The following DPF2 variants were observed in gnomAD, a reference collection of about 807,000 sequenced individuals.
The protein encoded by DPF2 is zinc finger protein ubi-d4.
Under a neutral mutation model 59.6 loss-of-function variants are expected in DPF2, and 10 were observed. The ratio of observed to expected loss-of-function variants is 0.17; its 90% confidence interval spans 0.10 to 0.28. DPF2 has a LOEUF of 0.28. Among genes scored for constraint, DPF2 ranks in the 10% least tolerant of loss-of-function variants. The pLI is 1.00. For missense variants in DPF2, 315 were observed against 509.4 expected, an observed-to-expected ratio of 0.62 and a Z score of 3.67; for synonymous variants, 189 against 190.6, an observed-to-expected ratio of 0.99 and a Z score of 0.07.
At chr11:65,338,817 C>T (rs193179286) in intron 1 of DPF2, among the ~76,000 whole-genome samples, 4 of 152,168 alleles carry the variant, frequency 2.6e-5, no homozygotes, top group Non-Finnish European at 5.9e-5. Flanking sequence ...CATTCTAGAG[C>T]AGGGTTTGTT....
intron 10 of DPF2, among the ~76,000 whole-genome samples, chr11:65,351,167 A>G (rs1238260629): frequency 6.6e-6 from 1 of 152,196 alleles, no homozygotes; most frequent in Non-Finnish European, 1.5e-5. Flanking sequence ...GCCCTAGAAT[A>G]ATGTCCAAAT....
At position 65,352,021 on chromosome 11, in the gene DPF2, C is replaced by G. The variant is rs372284211; in HGVS notation, c.*262C>G. ...GTTTCTCTCTGCTCTCCATTAAGTG[C>G]ATTCACTCTGCTTGCCTTGGGCCCA... On this transcript the variant is annotated 3_prime_UTR_variant, in exon 11 of 11. Coordinates refer to ENST00000528416, the MANE Select transcript of DPF2 (RefSeq NM_006268.5). 17 of 509,298 alleles carry G rather than the reference C, an allele frequency of 3.3e-5. No individual in the cohort carries two copies. In the East Asian group the frequency reaches 5.8e-4, roughly 17 times the overall value. The allele number at this position is 509,298 out of a possible 1,614,324, so 31.5% of individuals were successfully genotyped here. A position where few individuals can be genotyped will look rare whatever the true frequency, so the allele number is the denominator to read the frequency against.
At position 65,344,735 on chromosome 11, in the gene DPF2, C is replaced by T. The variant is rs141032113; in HGVS notation, c.637+666C>T. The T allele has an allele frequency of 4.2e-6, 5 of 1,200,192 alleles. No homozygotes were observed. The African/African-American group carries it at 7.6e-5, about 18-fold the overall frequency. 74.3% of individuals were successfully genotyped at this position (1,200,192 alleles called of 1,614,324 possible). On this transcript the variant is annotated intron_variant, in intron 6 of 10. Coordinates refer to ENST00000528416, the MANE Select transcript of DPF2 (RefSeq NM_006268.5). ...GCTAGCTTTAAAATCTCTGGAATGGCATGGGGGTAGGAGCAGTGGAATTTC... is the reference window on the plus strand; with the variant it reads ...GCTAGCTTTAAAATCTCTGGAATGGTATGGGGGTAGGAGCAGTGGAATTTC...
chr11:65,348,019 C>T (rs1854587752), intron 9 of DPF2: 1 of 152,280 alleles, frequency 6.6e-6, no homozygotes, highest in African/African-American at 2.4e-5. Flanking sequence ...AGGATGGAGG[C>T]TCATGCCTGT....
rs967909361 is a variant in DPF2, at chr11:65,352,948, A to C, written c.*1189A>C. The C allele has an allele frequency of 6.6e-6, 1 of 151,986 alleles. No homozygotes were observed. Among genetic ancestry groups the C allele is most frequent in the Non-Finnish European group, 1.5e-5 (1 of 68,010 alleles). 9.4% of individuals were successfully genotyped at this position (151,986 alleles called of 1,614,324 possible). A position where few individuals can be genotyped will look rare whatever the true frequency, so the allele number is the denominator to read the frequency against. On this transcript the variant is annotated 3_prime_UTR_variant, in exon 11 of 11. Coordinates refer to ENST00000528416, the MANE Select transcript of DPF2 (RefSeq NM_006268.5). Reference sequence around the variant, plus strand: ...TTTCTTTCTTTAGTTCCTGTATTCTAAACATTAGTAAAAATAAATGTTTTT... The same window carrying C: ...TTTCTTTCTTTAGTTCCTGTATTCTCAACATTAGTAAAAATAAATGTTTTT...
rs192896807 is a variant in DPF2 at position 65,346,341 on chromosome 11, C to T, written c.999C>T (p.Cys333=). Residue 333 remains cysteine (C), a synonymous_variant, in exon 9 of 11, where the codon TGC becomes TGT. Transcript: ENST00000528416. The part of the protein sequence containing the change: ...QCIECKCCNI[C]GTSENDDQLL... Reference sequence around the variant, plus strand: ...TCGAGTGCAAATGTTGCAATATCTGCGGCACCTCCGAGAATGACGTGTGTA... The same window carrying T: ...TCGAGTGCAAATGTTGCAATATCTGTGGCACCTCCGAGAATGACGTGTGTA... 5.6e-6 allele frequency: 9 copies of T among 1,612,460 alleles called. No individual in the cohort carries two copies. In the East Asian group the frequency reaches 8.9e-5, roughly 16 times the overall value.
At chr11:65,350,957 C>T (rs1854678976) in intron 10 of DPF2, among the ~76,000 whole-genome samples, 1 of 148,312 alleles carries the variant, frequency 6.7e-6, no homozygotes, top group Non-Finnish European at 1.5e-5. Flanking sequence ...CCAGCCTGAG[C>T]AACAGAGCGG....
intron 2 of DPF2, 32 bp downstream of exon 2, chr11:65,340,577 A>G (rs760433341): frequency 1.2e-6 from 2 of 1,610,052 alleles, no homozygotes; most frequent in Non-Finnish European, 1.7e-6. Flanking sequence ...AAGGGGACTC[A>G]GGAGCATAAG....
Position 65,346,027 on chromosome 11 carries a change from G to A in DPF2, c.873G>A (p.Glu291=), listed in dbSNP as rs1478419406. The A allele has an allele frequency of 3.7e-6, 6 of 1,614,222 alleles. No homozygotes were observed. Among genetic ancestry groups the A allele is most frequent in the Non-Finnish European group, 5.1e-6 (6 of 1,180,038 alleles). ...KINKKTGQPE[E]LVSCSDCGRS... is the part of the protein sequence containing the mutation. ...ACAAGAAGACGGGACAACCCGAGGA[G>A]CTGGTGTCCTGTTCTGACTGTGGCC... The change falls in exon 8 of 11, where the codon GAG becomes GAA. Residue 291 remains glutamate, a synonymous_variant. Transcript: ENST00000528416.
At chr11:65,337,506 GA>G (rs1565527856) in intron 1 of DPF2, among the ~76,000 whole-genome samples, 2 of 53,258 alleles carry the variant, frequency 3.8e-5, no homozygotes, top group African/African-American at 1.7e-4. Context: ...TATATATATA[GA>G]GAGAGAGAGA....
intron 3 of DPF2, 28 bp downstream of exon 3, chr11:65,341,101 C>T (rs377750990): frequency 7.1e-5 from 113 of 1,599,248 alleles, no homozygotes; most frequent in African/African-American, 5.3e-5. Context: ...TGAGCAGAGG[C>T]GTGGCCTGCT....
chr11:65,335,147 G>C (rs610864), intron 1 of DPF2, among the ~76,000 whole-genome samples: 1 of 150,604 alleles, frequency 6.6e-6, no homozygotes, highest in South Asian at 2.1e-4. Flanking sequence ...TCCTCCCAAC[G>C]CTATTGTCTT....
Position 65,345,732 on chromosome 11 carries a change from A to G in DPF2, c.704A>G (p.Glu235Gly). Residue 235 changes from glutamate (E) to glycine (G), a missense_variant, in exon 7 of 11, where the codon GAG becomes GGG. By Grantham distance (98) the Glu-to-Gly change is moderately conservative. Coordinates refer to ENST00000528416, the MANE Select transcript of DPF2 (RefSeq NM_006268.5). ...CACTATGCCCACTCCCACTTGGCTG[A>G]GGAGGAGGGCGAGGACAAGGAAGAC... The part of the protein sequence containing the change: ...SYHYAHSHLA[E>G]EEGEDKEDSQ... 1 of 1,614,152 alleles carries G rather than the reference A, an allele frequency of 6.2e-7. No homozygotes were observed.
intron 2 of DPF2, 36 bp from the exon 3 acceptor site, chr11:65,340,930 G>GA: frequency 1.2e-6 from 2 of 1,602,240 alleles, no homozygotes; most frequent in Non-Finnish European, 1.7e-6. Flanking sequence ...CTAATACTGG[G>GA]TTAGGGCCTG....
intron 10 of DPF2, among the ~76,000 whole-genome samples, chr11:65,349,360 C>G (rs1447742760): frequency 2.6e-5 from 4 of 152,178 alleles, no homozygotes; most frequent in African/African-American, 9.7e-5. Context: ...ATGGGTCAGT[C>G]TGCTTCTCCG....
chr11:65,341,757 C>T (rs1854381122), intron 4 of DPF2, 195 bp downstream of exon 4: 2 of 650,078 alleles, frequency 3.1e-6, no homozygotes, highest in Admixed American at 3.0e-5. Context: ...TATAGACTCT[C>T]ATTCATTCAC....
chr11:65,347,602 G>A (rs1454636604), intron 9 of DPF2: 7 of 151,850 alleles, frequency 4.6e-5, no homozygotes, highest in Admixed American at 4.6e-4. Context: ...TCAAAGTGCT[G>A]GGATTACAGG....
chr11:65,350,377 T>TC (rs1304753193), intron 10 of DPF2, among the ~76,000 whole-genome samples: 3 of 147,782 alleles, frequency 2.0e-5, no homozygotes, highest in African/African-American at 7.4e-5. Context: ...TTTCTTTCTT[T>TC]TTTTTTTTTT....
At chr11:65,341,300 G>T in intron 3 of DPF2, 99 bp from the exon 4 acceptor site, 1 of 1,539,166 alleles carries the variant, frequency 6.5e-7, no homozygotes, top group South Asian at 1.2e-5. Flanking sequence ...GAGAACAAAA[G>T]ATAGTGACAG....
Sources: gnomAD v4.1 joint callset for allele counts (sites outside exome capture counted in the v4.1 genomes callset) on GRCh38, gnomAD v4.1.1 for gene constraint, MANE v1.5 for transcripts, NCBI Gene and HGNC (gene_info 2026-07-23, HGNC 2026-07-21) for gene names.